CCDC51: variants seen among roughly 807,000 people sequenced by gnomAD.
CCDC51 encodes the protein mitochondrial potassium channel.
In CCDC51, 25 loss-of-function variants were observed where a neutral mutation model predicts 24.8. The ratio of observed to expected loss-of-function variants is 1.01; its 90% CI spans 0.73 to 1.41. The LOEUF (loss-of-function observed/expected upper bound fraction) is 1.41. Among genes scored for constraint, CCDC51 ranks in the 40% most tolerant of loss-of-function variants. The probability of loss-of-function intolerance (pLI) is 0.00; values close to 1 mark genes in which losing one functional copy is unlikely to be tolerated. For synonymous variants in CCDC51, 190 were observed against 204.3 expected (o/e 0.93, Z 0.60); for missense variants, 466 against 519.1 (o/e 0.90, Z 0.99).
rs1183543473 is a variant in CCDC51 at position 48,434,834 on chromosome 3, G to A, written c.295C>T (p.Gln99Ter). 7.5e-6 allele frequency: 12 copies of A among 1,604,518 alleles called. No homozygotes were observed. The highest frequency in any genetic ancestry group is 1.0e-5 in the Non-Finnish European group (12 of 1,173,744). The part of the protein sequence containing the change: ...FVGLNEVREA[Q>*]GKVTEAEKVF... ...CTCCTCACCTCTGTCACCTTTCCCTGGGCCTCTCGAACCTCGTTGAGTCCA... is the reference window on the plus strand; with the variant it reads ...CTCCTCACCTCTGTCACCTTTCCCTAGGCCTCTCGAACCTCGTTGAGTCCA... Residue 99 changes from glutamine to a stop codon, truncating the protein, a stop_gained, in exon 2 of 4, where the codon CAG (glutamine) becomes TAG (stop). Transcript: ENST00000395694. LOFTEE classifies it high-confidence loss of function.
At chr3:48,445,026 A>T (rs1375958048), upstream of CCDC51, 1 of 152,290 alleles carries the variant, frequency 6.6e-6, no homozygotes, top group Non-Finnish European at 1.5e-5. Flanking sequence ...TAAAATGCTT[A>T]GCTGGGTGTG....
upstream of CCDC51, among the ~76,000 whole-genome samples, chr3:48,444,506 C>T (rs998186593): frequency 6.6e-6 from 1 of 152,216 alleles, no homozygotes; most frequent in African/African-American, 2.4e-5. Context: ...CTCCTGACCT[C>T]AAGTGATCTG....
At position 48,434,860 on chromosome 3, in the gene CCDC51, A is replaced by C. The variant is rs1315957567; in HGVS notation, c.269T>G (p.Val90Gly). 1.9e-6 allele frequency: 3 copies of C among 1,613,278 alleles called. No individual in the cohort carries two copies. Among genetic ancestry groups the C allele is most frequent in the African/African-American group, 2.7e-5 (2 of 74,936 alleles). Reference sequence around the variant, plus strand: ...GGCCTCTCGAACCTCGTTGAGTCCAACAAACTCTTCATATCTGTCCCACCA... The same window carrying C: ...GGCCTCTCGAACCTCGTTGAGTCCACCAAACTCTTCATATCTGTCCCACCA... ...KTWWDRYEEF[V>G]GLNEVREAQG... Residue 90 changes from valine to glycine, a missense_variant, in exon 2 of 4, where the codon GTT becomes GGT. Coordinates refer to ENST00000395694, the MANE Select transcript of CCDC51 (RefSeq NM_001256964.2).
At chr3:48,440,842 G>A (rs2039544372), upstream of CCDC51, 3 of 598,118 alleles carry the variant, frequency 5.0e-6, no homozygotes, top group Non-Finnish European at 9.0e-6. Context: ...GGCAGTCTGG[G>A]CTTCCATTCC....
chr3:48,439,658 T>C (rs754558486), intron 1 of CCDC51, among the ~76,000 whole-genome samples: 11 of 152,140 alleles, frequency 7.2e-5, no homozygotes, highest in Non-Finnish European at 8.8e-5. Flanking sequence ...AAAAGCTTTA[T>C]TGATATATAA....
At chr3:48,442,618 A>ATT (rs1439245343), upstream of CCDC51, among the ~76,000 whole-genome samples, 2 of 151,662 alleles carry the variant, frequency 1.3e-5, no homozygotes, top group Non-Finnish European at 2.9e-5. Flanking sequence ...TGCCCGGCTA[A>ATT]TTTTTGTATT....
chr3:48,444,627 C>T (rs1280212467), upstream of CCDC51, among the ~76,000 whole-genome samples: 1 of 152,232 alleles, frequency 6.6e-6, no homozygotes, highest in Non-Finnish European at 1.5e-5. Flanking sequence ...TCCAAATTGC[C>T]GTATATTTTG....
upstream of CCDC51, among the ~76,000 whole-genome samples, chr3:48,442,044 G>A (rs996191783): frequency 2.6e-5 from 4 of 152,152 alleles, no homozygotes; most frequent in African/African-American, 7.2e-5. Flanking sequence ...AGCATCAAAG[G>A]GAGACCCTGT....
upstream of CCDC51, chr3:48,440,302 C>T (rs778692219): frequency 1.4e-5 from 22 of 1,606,926 alleles, no homozygotes; most frequent in Admixed American, 1.7e-5. Flanking sequence ...GCGCCATGTC[C>T]GGCCGCGAAG....
rs1202914507 is a variant in CCDC51 at position 48,433,942 on chromosome 3, C to T, written c.313-71G>A. On this transcript the variant is annotated intron_variant, in intron 2 of 3. Transcript: ENST00000395694. The surrounding 1 kb of genome is among the most constrained non-coding windows in gnomAD (Gnocchi z 4.4). ...CACACAGGCTCAGCTGCATTCCCAGCAAGGCATTCCCAGAAGAGGTCACTG... is the reference window on the plus strand; with the variant it reads ...CACACAGGCTCAGCTGCATTCCCAGTAAGGCATTCCCAGAAGAGGTCACTG... The T allele has an allele frequency of 1.4e-5, 21 of 1,555,290 alleles. No homozygotes were observed. Among genetic ancestry groups the T allele is most frequent in the South Asian group, 4.9e-5 (4 of 81,914 alleles).
chr3:48,440,997 T>C (rs1244893892), upstream of CCDC51: 1 of 304,466 alleles, frequency 3.3e-6, no homozygotes, highest in South Asian at 3.9e-5. Flanking sequence ...GAACCTTACT[T>C]GACTTAGAAG....
In CCDC51 at chr3:48,433,285, G is replaced by T; in HGVS notation, c.478-119C>A. The T allele has an allele frequency of 4.1e-6, 4 of 987,190 alleles. No individual in the cohort carries two copies. Among genetic ancestry groups the T allele is most frequent in the Non-Finnish European group, 5.9e-6 (4 of 676,178 alleles). 61.2% of individuals were successfully genotyped at this position (987,190 alleles called of 1,614,324 possible). On this transcript the variant is annotated intron_variant, in intron 3 of 3. Coordinates refer to ENST00000395694, the MANE Select transcript of CCDC51 (RefSeq NM_001256964.2). This position sits in a 1 kb window ranked among gnomAD's most constrained non-coding sequence, Gnocchi z 4.4. Reference sequence around the variant, plus strand: ...CAGAGTACATGTTCCATAGACCCATGCTGAATGAATGAAGGTAGCACCAAC... The same window carrying T: ...CAGAGTACATGTTCCATAGACCCATTCTGAATGAATGAAGGTAGCACCAAC...
chr3:48,436,673 G>C (rs1052349650), intron 1 of CCDC51, among the ~76,000 whole-genome samples: 2 of 152,228 alleles, frequency 1.3e-5, no homozygotes, highest in Non-Finnish European at 2.9e-5. Flanking sequence ...AAAGCATGCA[G>C]TGTCCGCCAT....
chr3:48,432,827 C>A lies in CCDC51; in HGVS notation c.817G>T (p.Val273Leu). ...TCCTGCCCTGGCCCAGCAGCATGTACCAGGCCCCTCAGGTCCACCATGAGA... is the reference window on the plus strand; with the variant it reads ...TCCTGCCCTGGCCCAGCAGCATGTAACAGGCCCCTCAGGTCCACCATGAGA... ...HNLMVDLRGL[V>L]HAAGPGQDSG... Residue 273 changes from valine to leucine, a missense_variant, in exon 4 of 4, where the codon GTA becomes TTA. By Grantham distance (32) the Val-to-Leu change is conservative. Coordinates refer to ENST00000395694, the MANE Select transcript of CCDC51 (RefSeq NM_001256964.2). 6.2e-7 allele frequency: 1 copy of A among 1,614,132 alleles called. No homozygotes were observed. The highest frequency in any genetic ancestry group is 8.5e-7 in the Non-Finnish European group (1 of 1,180,026).
chr3:48,444,863 G>T (rs2039637978), upstream of CCDC51, among the ~76,000 whole-genome samples: 1 of 152,184 alleles, frequency 6.6e-6, no homozygotes, highest in Admixed American at 6.5e-5. Context: ...GGATGGAGGG[G>T]GTGCCAGTGC....
chr3:48,440,493 G>A (rs1228795071), upstream of CCDC51: 12 of 1,604,224 alleles, frequency 7.5e-6, no homozygotes, highest in Non-Finnish European at 9.4e-6. Context: ...GCGGGTGCGG[G>A]GGCGCTGGGA....
At position 48,440,087 on chromosome 3, in the gene CCDC51, T is replaced by C. The variant is rs977053260; in HGVS notation, c.-108A>G. ...TCTACCCTGGCAGGACAACCCTAGCTCCTCGTACCTGGCGTGGCCCGACCA... is the reference window on the plus strand; with the variant it reads ...TCTACCCTGGCAGGACAACCCTAGCCCCTCGTACCTGGCGTGGCCCGACCA... On this transcript the variant is annotated 5_prime_UTR_variant, in exon 1 of 4. Coordinates refer to ENST00000395694, the MANE Select transcript of CCDC51 (RefSeq NM_001256964.2). 1.3e-6 allele frequency: 1 copy of C among 776,098 alleles called. No homozygotes were observed. Among genetic ancestry groups the C allele is most frequent in the Non-Finnish European group, 2.0e-6 (1 of 501,702 alleles). 48.1% of individuals were successfully genotyped at this position (776,098 alleles called of 1,614,324 possible). A position where few individuals can be genotyped will look rare whatever the true frequency, so the allele number is the denominator to read the frequency against.
chr3:48,442,472 T>C (rs944858221), upstream of CCDC51, among the ~76,000 whole-genome samples: 1 of 149,150 alleles, frequency 6.7e-6, no homozygotes, highest in East Asian at 2.0e-4. Context: ...TTTTTTTTTT[T>C]AAATAGTCTC....
upstream of CCDC51, among the ~76,000 whole-genome samples, chr3:48,445,346 G>A (rs1316253755): frequency 6.6e-6 from 1 of 152,158 alleles, no homozygotes; most frequent in African/African-American, 2.4e-5. Context: ...AAACTTTCAT[G>A]ATTAATGTAC....
Sources: gnomAD v4.1 joint callset for allele counts (sites outside exome capture counted in the v4.1 genomes callset) on GRCh38, gnomAD v4.1.1 for gene constraint, Gnocchi (gnomAD v3.1) non-coding constraint, MANE v1.5 for transcripts, NCBI Gene and HGNC (gene_info 2026-07-23, HGNC 2026-07-21) for gene names.